RBFOX1: variants seen among roughly 807,000 people sequenced by gnomAD.
RBFOX1 encodes RNA binding fox-1 homolog 1, also known as RNA binding protein fox-1 homolog 1.
In RBFOX1, 8 loss-of-function variants were observed where a neutral mutation model predicts 57.7. The observed-to-expected ratio is 0.14, with a 90% CI of 0.08 to 0.25. RBFOX1 has a LOEUF of 0.25. RBFOX1 is among the 10% of genes least tolerant of loss of function. The pLI is 1.00. For synonymous variants in RBFOX1, 326 were observed against 222.4 expected (o/e 1.47, Z -4.15); for missense variants, 611 against 548.5 (o/e 1.11, Z -1.14).
chr16:7,469,341 C>T (rs1322187889), intron 4 of RBFOX1, among the ~76,000 whole-genome samples: 2 of 152,042 alleles, frequency 1.3e-5, no homozygotes, highest in Non-Finnish European at 2.9e-5. Flanking sequence ...GGATTATAGG[C>T]GTGAGCCACC....
intron 3 of RBFOX1, among the ~76,000 whole-genome samples, chr16:5,629,727 T>G (rs1039872444): frequency 1.1e-4 from 17 of 152,304 alleles, no homozygotes; most frequent in African/African-American, 3.6e-4. Flanking sequence ...TTTCTCCAAC[T>G]CTTGTATTTC....
At chr16:6,140,595 C>T (rs1430782325) in intron 1 of RBFOX1, among the ~76,000 whole-genome samples, 1 of 152,050 alleles carries the variant, frequency 6.6e-6, no homozygotes, top group African/African-American at 2.4e-5. Flanking sequence ...ATGAGAGGAG[C>T]AACAATTAAG....
At chr16:7,141,895 G>A (rs960822309) in intron 4 of RBFOX1, among the ~76,000 whole-genome samples, 9 of 152,126 alleles carry the variant, frequency 5.9e-5, no homozygotes, top group African/African-American at 1.9e-4. Context: ...AGTGACCTTG[G>A]AAATTCATAA....
At chr16:6,257,995 G>A (rs997538477) in intron 1 of RBFOX1, among the ~76,000 whole-genome samples, 2 of 152,056 alleles carry the variant, frequency 1.3e-5, no homozygotes, top group South Asian at 2.1e-4. Context: ...TTGAGGAATC[G>A]CCACACTGCC....
intron 3 of RBFOX1, among the ~76,000 whole-genome samples, chr16:7,034,555 A>G (rs1272745702): frequency 6.6e-6 from 1 of 152,094 alleles, no homozygotes; most frequent in African/African-American, 2.4e-5. Flanking sequence ...GAGGCTGCCT[A>G]GAGAGCCTTG....
intron 4 of RBFOX1, among the ~76,000 whole-genome samples, chr16:7,173,382 A>T (rs2081074164): frequency 6.6e-6 from 1 of 152,222 alleles, no homozygotes; most frequent in Non-Finnish European, 1.5e-5. Flanking sequence ...TCATGCTATA[A>T]AACAGAATTC....
rs569401226 is a variant in RBFOX1, at chr16:7,457,178, C to T, written c.28-60969C>T. 2.0e-4 allele frequency among the ~76,000 whole-genome samples: 30 copies of T among 152,132 alleles called. No homozygotes were observed. In the South Asian group the frequency reaches 2.5e-3, roughly 13 times the overall value. ...CTAGGATTACAGGTGTGAGCCACCG[C>T]GCCTGGCCTTGGGTATGCATTTTTA... On this transcript the variant is annotated intron_variant, in intron 4 of 15. Coordinates refer to ENST00000550418, the MANE Select transcript of RBFOX1 (RefSeq NM_018723.4).
intron 2 of RBFOX1, among the ~76,000 whole-genome samples, chr16:6,472,709 C>T (rs974175399): frequency 1.3e-4 from 20 of 151,920 alleles, no homozygotes; most frequent in Admixed American, 9.8e-4. Flanking sequence ...CTGCAACCTC[C>T]GCCTCCCGGT....
At chr16:7,409,973 C>T (rs1173749034) in intron 4 of RBFOX1, among the ~76,000 whole-genome samples, 1 of 152,064 alleles carries the variant, frequency 6.6e-6, no homozygotes, top group Non-Finnish European at 1.5e-5. Context: ...AACAGTGAGA[C>T]CAGGAAGAGG....
chr16:6,724,739 A>G (rs894536974), intron 3 of RBFOX1, among the ~76,000 whole-genome samples: 1 of 151,812 alleles, frequency 6.6e-6, no homozygotes, highest in African/African-American at 2.4e-5. Flanking sequence ...TTTAATTTTA[A>G]TTTTTATTCT....
chr16:5,608,621 G>T lies in RBFOX1; in HGVS notation c.318+9660G>T, dbSNP rs780676392. ...GCCTTAGGAGAGAGCACTAGAGAAG[G>T]TTTAATTATTATTATTGATTATTTC... is the stretch of plus-strand genomic sequence containing the variant. On this transcript the variant is annotated intron_variant, in intron 3 of 19. Coordinates refer to the RBFOX1 transcript ENST00000641259. 1.2e-4 allele frequency among the ~76,000 whole-genome samples: 18 copies of T among 152,314 alleles called. 2 individuals are homozygous for T. The Middle Eastern group carries it at 0.024, about 201-fold the overall frequency.
chr16:7,403,987 T>C (rs1410047346), intron 4 of RBFOX1, among the ~76,000 whole-genome samples: 1 of 149,940 alleles, frequency 6.7e-6, no homozygotes, highest in Admixed American at 6.7e-5. Context: ...ATTGTGAATA[T>C]GCCGCAGTGA....
chr16:6,177,132 G>T (rs899261064), intron 1 of RBFOX1, among the ~76,000 whole-genome samples: 6 of 150,744 alleles, frequency 4.0e-5, no homozygotes, highest in Non-Finnish European at 8.8e-5. Context: ...TTTGCCAAGT[G>T]TGGATTTCCT....
At chr16:6,792,815 C>T (rs1000612518) in intron 3 of RBFOX1, among the ~76,000 whole-genome samples, 57 of 152,166 alleles carry the variant, frequency 3.7e-4, no homozygotes, top group Admixed American at 2.1e-3. Context: ...TGGATCATGA[C>T]GTCAGGAGTT....
At chr16:6,674,958 TGC>T (rs2057367111) in intron 3 of RBFOX1, among the ~76,000 whole-genome samples, 1 of 152,074 alleles carries the variant, frequency 6.6e-6, no homozygotes, top group South Asian at 2.1e-4. Context: ...CAGGCTGGAG[TGC>T]AGTGGCATGA....
chr16:5,508,616 G>A (rs149829928), intron 2 of RBFOX1, among the ~76,000 whole-genome samples: 6 of 151,922 alleles, frequency 3.9e-5, no homozygotes, highest in Non-Finnish European at 8.8e-5. Flanking sequence ...CACCCAAGAT[G>A]TTGGGGGTGG....
chr16:6,713,858 G>C (rs1568323072), intron 3 of RBFOX1, among the ~76,000 whole-genome samples: 1 of 152,202 alleles, frequency 6.6e-6, no homozygotes, highest in Non-Finnish European at 1.5e-5. Flanking sequence ...TCCTTGGTAA[G>C]ACTTGGGGAC....
At chr16:6,798,014 G>A (rs144322356) in intron 3 of RBFOX1, among the ~76,000 whole-genome samples, 1 of 152,248 alleles carries the variant, frequency 6.6e-6, no homozygotes, top group African/African-American at 2.4e-5. Flanking sequence ...GGATGATGAT[G>A]ATGATGATGG....
chr16:7,226,205 C>G (rs1291760932), intron 4 of RBFOX1, among the ~76,000 whole-genome samples: 1 of 152,166 alleles, frequency 6.6e-6, no homozygotes, highest in East Asian at 1.9e-4. Flanking sequence ...GTGCACATCC[C>G]TGAGCCAGTT....
Sources: allele counts gnomAD v4.1 joint callset (sites outside exome capture counted in the v4.1 genomes callset), GRCh38; gene constraint gnomAD v4.1.1; transcripts MANE v1.5; gene names NCBI Gene and HGNC (gene_info 2026-07-23, HGNC 2026-07-21).